ADAM22: variants seen among roughly 807,000 people sequenced by gnomAD.
ADAM22 encodes ADAM metallopeptidase domain 22.
Under a neutral mutation model 144.6 loss-of-function variants are expected in ADAM22, and 65 were observed. The ratio of observed to expected loss-of-function variants is 0.45; its 90% CI spans 0.37 to 0.55. The LOEUF is 0.55. ADAM22 is among the 20% of genes least tolerant of loss of function. ADAM22 has a pLI of 0.00. For synonymous variants in ADAM22, 391 were observed against 412.6 expected (o/e 0.95, Z 0.63); for missense variants, 974 against 1,184.9 (o/e 0.82, Z 2.61).
chr7:87,935,042 G>C lies in ADAM22; in HGVS notation c.102G>C (p.Met34Ile), dbSNP rs1334641914. The change falls in exon 2 of 32, where the codon ATG becomes ATC. Residue 34 changes from methionine (M) to isoleucine (I), a missense_variant. Physicochemically the swap from Met to Ile is conservative, Grantham distance 10. Coordinates refer to ENST00000413139, the MANE Select transcript of ADAM22 (RefSeq NM_001324418.2). ...TGCCTGGAGGAGACGCCTCATTGAT[G>C]GAGCTAGAGAAGAGGAAGGAAAACC... ...RCGQAGDASL[M>I]ELEKRKENRF... is the part of the protein sequence containing the mutation. The C allele has an allele frequency of 2.5e-6, 4 of 1,614,092 alleles. No individual in the cohort carries two copies. Among genetic ancestry groups the C allele is most frequent in the African/African-American group, 2.7e-5 (2 of 74,942 alleles).
chr7:87,944,969 CTCTT>C (rs1322949115), intron 2 of ADAM22, among the ~76,000 whole-genome samples: 1 of 143,146 alleles, frequency 7.0e-6, no homozygotes, highest in Non-Finnish European at 1.5e-5. Context: ...TTTCTTCCTC[CTCTT>C]TCTTTACCTT....
intron 3 of ADAM22, among the ~76,000 whole-genome samples, chr7:88,013,496 CT>C (rs1795912298): frequency 6.6e-6 from 1 of 152,190 alleles, no homozygotes; most frequent in South Asian, 2.1e-4. Context: ...ACAGTCATAG[CT>C]AACTGCAGCC....
At chr7:88,015,289 A>G (rs1251602765) in intron 3 of ADAM22, among the ~76,000 whole-genome samples, 5 of 152,170 alleles carry the variant, frequency 3.3e-5, no homozygotes, top group Non-Finnish European at 7.3e-5. Flanking sequence ...AAGTAAATAA[A>G]TTTTACCTTG....
intron 1 of ADAM22, 146 bp downstream of exon 1, chr7:87,934,696 T>A: frequency 3.8e-6 from 3 of 792,334 alleles, no homozygotes; most frequent in Non-Finnish European, 5.7e-6. Flanking sequence ...GGGAGGGTGG[T>A]GAGAAGTGGA....
intron 2 of ADAM22, among the ~76,000 whole-genome samples, chr7:87,940,846 G>A (rs1842331022): frequency 6.6e-6 from 1 of 152,110 alleles, no homozygotes; most frequent in African/African-American, 2.4e-5. Flanking sequence ...ATGTTTGCAG[G>A]TAAAAGGATA....
At chr7:88,089,409 C>A (rs1442373141) in intron 4 of ADAM22, among the ~76,000 whole-genome samples, 1 of 152,042 alleles carries the variant, frequency 6.6e-6, no homozygotes, top group Admixed American at 6.6e-5. Context: ...TTTAGGTTAT[C>A]TTTTGTTTTG....
chr7:88,163,296 T>TGGTA (rs1842190025), intron 23 of ADAM22, 116 bp downstream of exon 23: 1 of 846,448 alleles, frequency 1.2e-6, no homozygotes, highest in Non-Finnish European at 1.7e-6. Context: ...TATTTCTAGT[T>TGGTA]GGTATATAAA....
chr7:87,952,429 T>C (rs990430522), intron 2 of ADAM22, among the ~76,000 whole-genome samples: 61 of 152,234 alleles, frequency 4.0e-4, no homozygotes, highest in Non-Finnish European at 7.9e-4. Flanking sequence ...GTTCTGTTTA[T>C]ATGCTGGATT....
Position 87,983,818 on chromosome 7 carries a change from A to G in ADAM22, c.323+5406A>G, listed in dbSNP as rs10253370. ...GTGTTAAAGCAATATCTTTTGTCTT[A>G]TATTTTAAGTAATAGGTATTAGATT... On this transcript the variant is annotated intron_variant, in intron 3 of 31. Transcript: ENST00000413139. 9.3e-3 allele frequency among the ~76,000 whole-genome samples: 1,418 copies of G among 152,218 alleles called. 22 individuals are homozygous for G. Among genetic ancestry groups the G allele is most frequent in the African/African-American group, 0.033 (1,355 of 41,514 alleles).
At chr7:87,972,078 G>T (rs1850600144) in intron 2 of ADAM22, among the ~76,000 whole-genome samples, 1 of 152,056 alleles carries the variant, frequency 6.6e-6, no homozygotes, top group South Asian at 2.1e-4. Context: ...GGAAGTTCTG[G>T]CCAGGGCAAT....
At position 88,149,015 on chromosome 7, in the gene ADAM22, T is replaced by C. The variant is rs1483985282; in HGVS notation, c.1524T>C (p.Asn508=). The C allele has an allele frequency of 1.9e-6, 3 of 1,612,564 alleles. No homozygotes were observed. The highest frequency in any genetic ancestry group is 2.2e-5 in the East Asian group (1 of 44,834). The change falls in exon 18 of 32, where the codon AAT becomes AAC. Residue 508 remains asparagine, a synonymous_variant. Transcript: ENST00000413139. ...PMGTVCREAV[N]DCDIRETCSG... is the part of the protein sequence containing the mutation. ...GCACTGTGTGCCGAGAAGCAGTAAA[T>C]GATTGTGATATTCGTGAAACGTGCT...
intron 3 of ADAM22, among the ~76,000 whole-genome samples, chr7:88,001,141 T>A (rs572740219): frequency 3.1e-4 from 47 of 152,304 alleles, no homozygotes; most frequent in African/African-American, 9.9e-4. Context: ...TGCAGGAAAA[T>A]AGTATACAGG....
intron 3 of ADAM22, among the ~76,000 whole-genome samples, chr7:88,039,979 C>A (rs769664810): frequency 1.3e-5 from 2 of 151,968 alleles, no homozygotes; most frequent in Non-Finnish European, 2.9e-5. Context: ...CCTTTTCACT[C>A]TCCCACTCAT....
intron 2 of ADAM22, among the ~76,000 whole-genome samples, chr7:87,939,535 G>T (rs1394123282): frequency 6.6e-6 from 1 of 152,156 alleles, no homozygotes; most frequent in African/African-American, 2.4e-5. Flanking sequence ...GTGTACTTTA[G>T]TTCACTAGTA....
chr7:87,966,247 C>T (rs1849022874), intron 2 of ADAM22, among the ~76,000 whole-genome samples: 1 of 152,116 alleles, frequency 6.6e-6, no homozygotes, highest in Non-Finnish European at 1.5e-5. Context: ...GGATTTTTGT[C>T]TGCTGATTTT....
intron 3 of ADAM22, among the ~76,000 whole-genome samples, chr7:88,034,005 T>G (rs1800910190): frequency 6.6e-6 from 1 of 152,124 alleles, no homozygotes; most frequent in South Asian, 2.1e-4. Flanking sequence ...GCCTGGGACC[T>G]AGTACTTCAA....
chr7:88,061,779 C>T (rs1010853746), intron 3 of ADAM22, among the ~76,000 whole-genome samples: 2 of 151,362 alleles, frequency 1.3e-5, no homozygotes, highest in Non-Finnish European at 2.9e-5. Context: ...GGCTTAAAGT[C>T]ACCAGCTGCA....
Position 88,186,692 on chromosome 7 carries a change from C to T in ADAM22, c.2741C>T (p.Pro914Leu). Residue 914 changes from proline to leucine, a missense_variant, in exon 30 of 32, where the codon CCA becomes CTA. By Grantham distance (98) the Pro-to-Leu change is moderately conservative. Coordinates refer to ENST00000413139, the MANE Select transcript of ADAM22 (RefSeq NM_001324418.2). ...VEDVNKNTEG[P>L]YFRTLSPAKS... is the part of the protein sequence containing the mutation. ...GATGTGAATAAAAACACTGAAGGAC[C>T]ATACTTTAGGTATTTTATAAATTAA... is the stretch of plus-strand genomic sequence containing the variant. The T allele has an allele frequency of 6.3e-7, 1 of 1,592,496 alleles. No individual in the cohort carries two copies. The highest frequency in any genetic ancestry group is 8.6e-7 in the Non-Finnish European group (1 of 1,160,604).
chr7:88,118,435 T>C (rs1414519474), intron 7 of ADAM22, among the ~76,000 whole-genome samples: 1 of 152,162 alleles, frequency 6.6e-6, no homozygotes, highest in Non-Finnish European at 1.5e-5. Flanking sequence ...TCACAGACTT[T>C]TTAGACTGTT....
Sources: gnomAD v4.1 joint callset for allele counts (sites outside exome capture counted in the v4.1 genomes callset) on GRCh38, gnomAD v4.1.1 for gene constraint, MANE v1.5 for transcripts, NCBI Gene and HGNC (gene_info 2026-07-23, HGNC 2026-07-21) for gene names.